UTP25: variants seen among roughly 807,000 people sequenced by gnomAD.
UTP25 encodes U3 small nucleolar RNA-associated protein 25 homolog.
Under a neutral mutation model 78.9 loss-of-function variants are expected in UTP25, and 50 were observed. The observed-to-expected ratio is 0.63, with a 90% CI of 0.50 to 0.80. The LOEUF (loss-of-function observed/expected upper bound fraction) is 0.80. UTP25 is among the 30% of genes least tolerant of loss of function. The pLI is 0.00. For synonymous variants in UTP25, 329 were observed against 336.5 expected (o/e 0.98, Z 0.24); for missense variants, 846 against 911.3 (o/e 0.93, Z 0.92).
intron 4 of UTP25, among the ~76,000 whole-genome samples, chr1:209,833,579 G>A (rs1223106000): frequency 3.9e-5 from 6 of 152,146 alleles, no homozygotes; most frequent in African/African-American, 1.4e-4. Flanking sequence ...TGGTAGGGAA[G>A]GCCAGCTTCC....
rs567346619 is a variant in UTP25, at chr1:209,857,483, A to C, written c.*6036A>C. Reference sequence around the variant, plus strand: ...ATTAATGTCTTATGTTTCCTCCCAGATTGTTTTCTGCATGAATAATAACCA... The same window carrying C: ...ATTAATGTCTTATGTTTCCTCCCAGCTTGTTTTCTGCATGAATAATAACCA... On this transcript the variant is annotated 3_prime_UTR_variant, in exon 12 of 12. Coordinates refer to ENST00000491415, the MANE Select transcript of UTP25 (RefSeq NM_014388.7). The C allele has an allele frequency of 1.3e-5, 2 of 152,244 alleles. No individual in the cohort carries two copies. Among genetic ancestry groups the C allele is most frequent in the Admixed American group, 1.3e-4 (2 of 15,290 alleles). The allele number at this position is 152,244 out of a possible 1,614,324, so 9.4% of individuals were successfully genotyped here.
chr1:209,854,319 CTTTTT>C lies in UTP25; in HGVS notation c.*2873_*2877del, dbSNP rs2078259016. On this transcript the variant is annotated 3_prime_UTR_variant, in exon 12 of 12. Transcript: ENST00000491415. ...TTAAAACAACCAGCTTAGCACTTTT[CTTTTT>C]GAGAGAGAAAAAGCTTTGAATCGTG... The C allele has an allele frequency of 6.8e-6, 1 of 147,518 alleles. No individual in the cohort carries two copies. The highest frequency in any genetic ancestry group is 6.7e-5 in the Admixed American group (1 of 14,888). The allele number at this position is 147,518 out of a possible 1,614,324, so 9.1% of individuals were successfully genotyped here. A position where few individuals can be genotyped will look rare whatever the true frequency, so the allele number is the denominator to read the frequency against.
intron 11 of UTP25, among the ~76,000 whole-genome samples, chr1:209,847,077 T>C (rs1165431944): frequency 6.6e-6 from 1 of 152,216 alleles, no homozygotes; most frequent in Non-Finnish European, 1.5e-5. Flanking sequence ...GGATCTTTTT[T>C]TGTTTTAAGG....
intron 8 of UTP25, 74 bp downstream of exon 8, chr1:209,841,129 C>A: frequency 6.7e-7 from 1 of 1,500,150 alleles, no homozygotes; most frequent in Non-Finnish European, 9.2e-7. Flanking sequence ...GGTTTAAGTC[C>A]TAAAGAATTA....
chr1:209,854,500 T>A lies in UTP25; in HGVS notation c.*3053T>A, dbSNP rs1318579945. The A allele has an allele frequency of 6.6e-6, 1 of 152,194 alleles. No individual in the cohort carries two copies. Among genetic ancestry groups the A allele is most frequent in the African/African-American group, 2.4e-5 (1 of 41,438 alleles). The allele number at this position is 152,194 out of a possible 1,614,324, so 9.4% of individuals were successfully genotyped here. ...ATGGTCCTAGTGGAGATGGGGAATG[T>A]GTCCCTGCTGACTCCTCATACCCCA... On this transcript the variant is annotated 3_prime_UTR_variant, in exon 12 of 12. Coordinates refer to ENST00000491415, the MANE Select transcript of UTP25 (RefSeq NM_014388.7).
chr1:209,836,817 A>G lies in UTP25; in HGVS notation c.668A>G (p.Gln223Arg), dbSNP rs1164721148. ...THELKWPILGQLFFSSKFQKL... is the reference protein window; with the variant it reads ...THELKWPILGRLFFSSKFQKL... ...CTCCCCTAGTGGCCTATTCTGGGCC[A>G]GCTTTTCTTTTCCTCTAAGTTTCAG... Residue 223 changes from glutamine to arginine, a missense_variant, in exon 6 of 12, where the codon CAG (glutamine) becomes CGG (arginine). Physicochemically the swap from Gln to Arg is conservative, Grantham distance 43. Transcript: ENST00000491415. The G allele has an allele frequency of 3.7e-6, 6 of 1,606,552 alleles. No individual in the cohort carries two copies. The African/African-American group carries it at 5.4e-5, about 14-fold the overall frequency.
At chr1:209,829,296 A>G (rs2078089532) in intron 1 of UTP25, among the ~76,000 whole-genome samples, 1 of 152,108 alleles carries the variant, frequency 6.6e-6, no homozygotes, top group Admixed American at 6.5e-5. Flanking sequence ...TAGTCACATC[A>G]TATGTTGTGT....
At chr1:209,844,018 T>A in intron 11 of UTP25, 1 of 251,588 alleles carries the variant, frequency 4.0e-6, no homozygotes, top group Non-Finnish European at 7.7e-6. Context: ...GGGAGGGACC[T>A]TCCCTGTATT....
At chr1:209,838,758 G>A (rs1449725885) in intron 6 of UTP25, 151 bp from the exon 7 acceptor site, 1 of 844,194 alleles carries the variant, frequency 1.2e-6, no homozygotes, top group Non-Finnish European at 2.0e-6. Flanking sequence ...GTTGAGCCAA[G>A]CCCTGCGCAA....
At chr1:209,843,849 A>G in intron 11 of UTP25, 153 bp downstream of exon 11, 3 of 1,061,420 alleles carry the variant, frequency 2.8e-6, no homozygotes, top group Non-Finnish European at 4.0e-6. Context: ...TGGTTTGGAC[A>G]GACTCTTCTT....
At chr1:209,835,781 G>C (rs1269446932) in intron 5 of UTP25, among the ~76,000 whole-genome samples, 1 of 152,056 alleles carries the variant, frequency 6.6e-6, no homozygotes, top group Non-Finnish European at 1.5e-5. Flanking sequence ...TGTACCCTTT[G>C]CCCAGTTTTC....
chr1:209,836,024 T>C (rs974982857), intron 5 of UTP25, among the ~76,000 whole-genome samples: 6 of 152,154 alleles, frequency 3.9e-5, no homozygotes, highest in African/African-American at 1.4e-4. Flanking sequence ...TATAACCATA[T>C]CTGCCTCCCT....
chr1:209,849,336 C>G (rs1572009371), intron 11 of UTP25, among the ~76,000 whole-genome samples: 1 of 152,034 alleles, frequency 6.6e-6, no homozygotes, highest in East Asian at 1.9e-4. Flanking sequence ...GGAACTTGGG[C>G]TGAACAGGTT....
chr1:209,853,732 A>G lies in UTP25; in HGVS notation c.*2285A>G. ...AGTTCATCTCGTGGTTTCCATTATTACTATTCACACGACTCCCAAATCTCC... is the reference window on the plus strand; with the variant it reads ...AGTTCATCTCGTGGTTTCCATTATTGCTATTCACACGACTCCCAAATCTCC... On this transcript the variant is annotated 3_prime_UTR_variant, in exon 12 of 12. Transcript: ENST00000491415. 6.6e-6 allele frequency: 1 copy of G among 152,212 alleles called. No individual in the cohort carries two copies. Among genetic ancestry groups the G allele is most frequent in the East Asian group, 1.9e-4 (1 of 5,192 alleles). 9.4% of individuals were successfully genotyped at this position (152,212 alleles called of 1,614,324 possible).
At position 209,855,394 on chromosome 1, in the gene UTP25, T is replaced by G. The variant is rs1159480920; in HGVS notation, c.*3947T>G. On this transcript the variant is annotated 3_prime_UTR_variant, in exon 12 of 12. Coordinates refer to ENST00000491415, the MANE Select transcript of UTP25 (RefSeq NM_014388.7). ...TCCTAGGCTCCCCTTACACCTCTGG[T>G]CACGTTGCCATTATTCCTATGGTAG... The G allele has an allele frequency of 6.6e-6, 1 of 152,240 alleles. No individual in the cohort carries two copies. Among genetic ancestry groups the G allele is most frequent in the African/African-American group, 2.4e-5 (1 of 41,444 alleles). 9.4% of individuals were successfully genotyped at this position (152,240 alleles called of 1,614,324 possible). A position where few individuals can be genotyped will look rare whatever the true frequency, so the allele number is the denominator to read the frequency against.
intron 7 of UTP25, 74 bp from the exon 8 acceptor site, chr1:209,840,779 C>T: frequency 1.4e-6 from 2 of 1,431,000 alleles, no homozygotes; most frequent in Non-Finnish European, 2.0e-6. Context: ...AAGTGGTGGA[C>T]TGCTTTGAGA....
intron 3 of UTP25, among the ~76,000 whole-genome samples, chr1:209,831,683 A>G (rs371608246): frequency 6.6e-6 from 1 of 152,200 alleles, no homozygotes; most frequent in Non-Finnish European, 1.5e-5. Context: ...GAACATTTCC[A>G]TTACCTCCAA....
chr1:209,853,439 C>T lies in UTP25; in HGVS notation c.*1992C>T, dbSNP rs1473545183. 1 of 151,648 alleles carries T rather than the reference C, an allele frequency of 6.6e-6. No individual in the cohort carries two copies. Among genetic ancestry groups the T allele is most frequent in the Non-Finnish European group, 1.5e-5 (1 of 68,042 alleles). The allele number at this position is 151,648 out of a possible 1,614,324, so 9.4% of individuals were successfully genotyped here. ...TGGCATGATCTTGGCTTACTGCAAT[C>T]TGTGCCTCCCGAGTTCAAGCGATTC... On this transcript the variant is annotated 3_prime_UTR_variant, in exon 12 of 12. Transcript: ENST00000491415.
intron 1 of UTP25, among the ~76,000 whole-genome samples, chr1:209,828,755 A>AGG (rs1571997885): frequency 7.0e-6 from 1 of 141,904 alleles, no homozygotes; most frequent in Non-Finnish European, 1.5e-5. Flanking sequence ...TTGTAGACAC[A>AGG]CATATATATA....
Sources: gnomAD v4.1 joint callset for allele counts (sites outside exome capture counted in the v4.1 genomes callset) on GRCh38, gnomAD v4.1.1 for gene constraint, MANE v1.5 for transcripts, NCBI Gene and HGNC (gene_info 2026-07-23, HGNC 2026-07-21) for gene names.